FERMT3: variants seen among roughly 807,000 people sequenced by gnomAD.
FERMT3 encodes the protein fermitin family homolog 3.
A neutral mutation model predicts 80.8 loss-of-function variants in FERMT3; 33 were observed. The ratio of observed to expected loss-of-function variants is 0.41; its 90% confidence interval spans 0.31 to 0.55. The LOEUF is 0.55. Among genes scored for constraint, FERMT3 ranks in the 20% least tolerant of loss-of-function variants. FERMT3 has a pLI of 0.31. For missense variants in FERMT3, 754 were observed against 908.7 expected, an observed-to-expected ratio of 0.83 and a Z score of 2.19; for synonymous variants, 375 against 372.2, an observed-to-expected ratio of 1.01 and a Z score of -0.09.
At chr11:64,215,158 C>A (rs955355713) in intron 6 of FERMT3, among the ~76,000 whole-genome samples, 2 of 152,198 alleles carry the variant, frequency 1.3e-5, no homozygotes, top group South Asian at 4.1e-4. Flanking sequence ...TCACCACAAT[C>A]CAGTTTTAGA....
Position 64,220,289 on chromosome 11 carries a change from CT to C in FERMT3, c.1275del (p.Glu426ArgfsTer3), listed in dbSNP as rs775138431. 6.2e-7 allele frequency: 1 copy of C among 1,613,562 alleles called. No homozygotes were observed. Among genetic ancestry groups the C allele is most frequent in the African/African-American group, 1.3e-5 (1 of 74,930 alleles). On this transcript the variant is annotated frameshift_variant, in exon 11 of 15. Transcript: ENST00000345728. LOFTEE classifies it high-confidence loss of function. ...KFCIKLLVPS[P>X]EGMSEIYLRC... is the part of the protein sequence containing the mutation. Reference sequence around the variant, plus strand: ...TGCATTAAACTCCTAGTGCCCTCCCCTGAGGGCATGAGTGAGATCTACCTGC... The same window carrying C: ...TGCATTAAACTCCTAGTGCCCTCCCCGAGGGCATGAGTGAGATCTACCTGC...
chr11:64,214,168 CTTT>C (rs60329788), intron 6 of FERMT3, among the ~76,000 whole-genome samples: 5 of 113,446 alleles, frequency 4.4e-5, no homozygotes, highest in Admixed American at 1.1e-4. Context: ...TCATAATTGC[CTTT>C]TTTTTTTTTT....
rs1316286119 is a variant in FERMT3, at chr11:64,211,730, T to C, written c.769T>C (p.Phe257Leu). ...GCTGCGCTTCAAGTACTACAGCTTCTTCGATTTGGATCCCAAGGTGGGTCG... is the reference window on the plus strand; with the variant it reads ...GCTGCGCTTCAAGTACTACAGCTTCCTCGATTTGGATCCCAAGGTGGGTCG... ...LWLRFKYYSF[F>L]DLDPKTDPVR... The change falls in exon 6 of 15, where the codon TTC becomes CTC. Residue 257 changes from phenylalanine (F) to leucine (L), a missense_variant. Phe to Leu is a conservative substitution (Grantham distance 22). Coordinates refer to ENST00000345728, the MANE Select transcript of FERMT3 (RefSeq NM_031471.6). The surrounding 1 kb of genome is among the most constrained non-coding windows in gnomAD (Gnocchi z 4.7). The C allele has an allele frequency of 2.2e-5, 36 of 1,614,154 alleles. No individual in the cohort carries two copies. The highest frequency in any genetic ancestry group is 3.0e-5 in the Non-Finnish European group (35 of 1,180,010).
At chr11:64,206,333 A>G (rs956206905), upstream of FERMT3, among the ~76,000 whole-genome samples, 1 of 152,188 alleles carries the variant, frequency 6.6e-6, no homozygotes, top group African/African-American at 2.4e-5. Context: ...GTGAGTCCCA[A>G]ATAACCTGGA....
Position 64,210,966 on chromosome 11 carries a change from G to A in FERMT3, c.395-86G>A. On this transcript the variant is annotated intron_variant, in intron 3 of 14. Coordinates refer to ENST00000345728, the MANE Select transcript of FERMT3 (RefSeq NM_031471.6). This position sits in a 1 kb window ranked among gnomAD's most constrained non-coding sequence, Gnocchi z 4.3. ...GTCTGGGTTGCCACCCTGCCTGCAGGGCTGTGACCCGCCCCAAGCACCCAT... is the reference window on the plus strand; with the variant it reads ...GTCTGGGTTGCCACCCTGCCTGCAGAGCTGTGACCCGCCCCAAGCACCCAT... 6.2e-7 allele frequency: 1 copy of A among 1,607,376 alleles called. No individual in the cohort carries two copies. The highest frequency in any genetic ancestry group is 1.3e-5 in the African/African-American group (1 of 74,784).
At chr11:64,212,279 C>T (rs142824425) in intron 6 of FERMT3, among the ~76,000 whole-genome samples, 19 of 152,342 alleles carry the variant, frequency 1.2e-4, no homozygotes, top group Admixed American at 9.8e-4. Context: ...ATGTGCTTCG[C>T]GCACATCTCA....
At chr11:64,206,711 G>T (rs1281404297), upstream of FERMT3, 1 of 152,964 alleles carries the variant, frequency 6.5e-6, no homozygotes, top group African/African-American at 2.4e-5. Flanking sequence ...ACAAGCAAGG[G>T]CTGCCCTGAA....
Position 64,219,483 on chromosome 11 carries a change from G to T in FERMT3, c.895-41G>T. ...GCCTGGGGGTACTGCTAGGGGACCAGGCTGCTGGACTCAGCCCTCCCTGGC... is the reference window on the plus strand; with the variant it reads ...GCCTGGGGGTACTGCTAGGGGACCATGCTGCTGGACTCAGCCCTCCCTGGC... On this transcript the variant is annotated intron_variant, in intron 7 of 14. Transcript: ENST00000345728. This position sits in a 1 kb window ranked among gnomAD's most constrained non-coding sequence, Gnocchi z 4.0. The T allele has an allele frequency of 6.4e-7, 1 of 1,572,628 alleles. No homozygotes were observed. Among genetic ancestry groups the T allele is most frequent in the Non-Finnish European group, 8.6e-7 (1 of 1,160,062 alleles).
At position 64,219,324 on chromosome 11, in the gene FERMT3, C is replaced by T; in HGVS notation, c.860C>T (p.Thr287Ile). ...CTGCTGCTGGAGGAGATTGACTGCA[C>T]CGAGGAGGAGATGATGGTGTTTGCC... ...WDLLLEEIDCTEEEMMVFAAL... is the reference protein window; with the variant it reads ...WDLLLEEIDCIEEEMMVFAAL... Residue 287 changes from threonine (T) to isoleucine (I), a missense_variant, in exon 7 of 15, where the codon ACC becomes ATC. Transcript: ENST00000345728. The surrounding 1 kb of genome is among the most constrained non-coding windows in gnomAD (Gnocchi z 4.0). 1 of 1,608,130 alleles carries T rather than the reference C, an allele frequency of 6.2e-7. No homozygotes were observed. The highest frequency in any genetic ancestry group is 1.7e-5 in the Admixed American group (1 of 59,312).
At chr11:64,221,289 G>C in intron 13 of FERMT3, 149 bp downstream of exon 13, 1 of 751,704 alleles carries the variant, frequency 1.3e-6, no homozygotes, top group South Asian at 1.7e-5. Context: ...CCTTACTGAG[G>C]GCCCCATGTG....
chr11:64,220,744 C>A, intron 12 of FERMT3, 75 bp downstream of exon 12: 1 of 1,418,226 alleles, frequency 7.1e-7, no homozygotes. Flanking sequence ...CTCCACAGAG[C>A]CTTCCTCAGG....
At chr11:64,212,946 G>A (rs1946474335) in intron 6 of FERMT3, among the ~76,000 whole-genome samples, 1 of 151,842 alleles carries the variant, frequency 6.6e-6, no homozygotes, top group African/African-American at 2.4e-5. Flanking sequence ...CAGACTGGAG[G>A]GCAGTAGTGT....
intron 12 of FERMT3, 39 bp from the exon 13 acceptor site, chr11:64,220,977 A>G (rs200587995): frequency 8.5e-4 from 1,370 of 1,603,758 alleles, no homozygotes; most frequent in Admixed American, 1.7e-3. Flanking sequence ...GGAGGAGGGG[A>G]ATAGTGCCTG....
intron 2 of FERMT3, among the ~76,000 whole-genome samples, chr11:64,208,913 G>A (rs1946376614): frequency 1.3e-5 from 2 of 152,186 alleles, no homozygotes; most frequent in South Asian, 4.1e-4. Flanking sequence ...CTCAGCAGGA[G>A]GCTGTCCTGC....
rs1425615077 is a variant in FERMT3 at position 64,207,536 on chromosome 11, C to T, written c.160+12C>T. The T allele has an allele frequency of 6.3e-7, 1 of 1,592,644 alleles. No individual in the cohort carries two copies. The highest frequency in any genetic ancestry group is 1.3e-5 in the African/African-American group (1 of 74,648). Reference sequence around the variant, plus strand: ...TGTGGAGCAGATCAGTGAGTGTCCGCTGCCCGCTTGCTGAACTCGGCACCA... The same window carrying T: ...TGTGGAGCAGATCAGTGAGTGTCCGTTGCCCGCTTGCTGAACTCGGCACCA... On this transcript the variant is annotated intron_variant, in intron 2 of 14. Coordinates refer to ENST00000345728, the MANE Select transcript of FERMT3 (RefSeq NM_031471.6).
Position 64,211,208 on chromosome 11 carries a change from GC to G in FERMT3, c.514+38del. The G allele has an allele frequency of 1.5e-6, 2 of 1,298,340 alleles. No individual in the cohort carries two copies. The highest frequency in any genetic ancestry group is 2.1e-6 in the Non-Finnish European group (2 of 948,160). The allele number at this position is 1,298,340 out of a possible 1,614,324, so 80.4% of individuals were successfully genotyped here. ...TGGGGGTGGGCCTGGGGGGTTGGGGGCAGGGGCCGGCCCGTGAGTCCCAGCC... is the reference window on the plus strand; with the variant it reads ...TGGGGGTGGGCCTGGGGGGTTGGGGGAGGGGCCGGCCCGTGAGTCCCAGCC... On this transcript the variant is annotated intron_variant, in intron 4 of 14. Coordinates refer to ENST00000345728, the MANE Select transcript of FERMT3 (RefSeq NM_031471.6). This position sits in a 1 kb window ranked among gnomAD's most constrained non-coding sequence, Gnocchi z 4.7.
chr11:64,210,868 T>G lies in FERMT3; in HGVS notation c.394+24T>G. 6.2e-7 allele frequency: 1 copy of G among 1,609,876 alleles called. No homozygotes were observed. The highest frequency in any genetic ancestry group is 8.5e-7 in the Non-Finnish European group (1 of 1,179,698). On this transcript the variant is annotated intron_variant, in intron 3 of 14. Transcript: ENST00000345728. The surrounding 1 kb of genome is among the most constrained non-coding windows in gnomAD (Gnocchi z 4.3). ...CAGTAAGTTGCCCGGCTGATTCCCC[T>G]GGCCCACGAGGGTGATGCAAAGAGG...
Position 64,221,159 on chromosome 11 carries a change from C to A in FERMT3, c.1670+19C>A, listed in dbSNP as rs1418937922. 6.2e-6 allele frequency: 10 copies of A among 1,604,204 alleles called. No homozygotes were observed. In the African/African-American group the frequency reaches 8.0e-5, roughly 13 times the overall value. On this transcript the variant is annotated intron_variant, in intron 13 of 14. Transcript: ENST00000345728. ...TGGTCAGGTATGGCCCCTGGCCCAGCCCCCTGCCCAGCACCGTCTCTGCCC... is the reference window on the plus strand; with the variant it reads ...TGGTCAGGTATGGCCCCTGGCCCAGACCCCTGCCCAGCACCGTCTCTGCCC...
In FERMT3 at chr11:64,219,513, T is replaced by C; in HGVS notation, c.895-11T>C. ...CTGGACTCAGCCCTCCCTGGCTTCA[T>C]GACCACCTAGTACCACATCAACAAG... On this transcript the variant is annotated splice_polypyrimidine_tract_variant and intron_variant, in intron 7 of 14. Transcript: ENST00000345728. The surrounding 1 kb of genome is among the most constrained non-coding windows in gnomAD (Gnocchi z 4.0). 3.1e-6 allele frequency: 5 copies of C among 1,597,236 alleles called. No homozygotes were observed. The South Asian group carries it at 5.6e-5, about 18-fold the overall frequency.
Sources: allele counts gnomAD v4.1 joint callset (sites outside exome capture counted in the v4.1 genomes callset), GRCh38; gene constraint gnomAD v4.1.1; non-coding constraint Gnocchi (gnomAD v3.1); transcripts MANE v1.5; gene names NCBI Gene and HGNC (gene_info 2026-07-23, HGNC 2026-07-21).